The following KCNIP4 variants were observed in gnomAD, a reference collection of about 807,000 sequenced individuals.
KCNIP4 encodes the protein Kv channel-interacting protein 4.
KCNIP4 carries 12 observed loss-of-function variants against 34.0 expected under a neutral mutation model. The observed-to-expected ratio is 0.35, with a 90% CI of 0.23 to 0.57. KCNIP4 has a LOEUF of 0.57. KCNIP4 is among the 20% of genes least tolerant of loss of function. KCNIP4 has a pLI of 0.83. For missense variants in KCNIP4, 238 were observed against 311.7 expected (o/e 0.76, Z 1.78); for synonymous variants, 124 against 102.2 (o/e 1.21, Z -1.29).
At chr4:21,429,349 C>A (rs909695036) in intron 1 of KCNIP4, among the ~76,000 whole-genome samples, 12 of 152,128 alleles carry the variant, frequency 7.9e-5, no homozygotes, top group Non-Finnish European at 1.2e-4. Context: ...GAATAATATT[C>A]CATTGCCTGG....
chr4:21,036,721 T>A (rs1046092708), intron 1 of KCNIP4, among the ~76,000 whole-genome samples: 1 of 152,186 alleles, frequency 6.6e-6, no homozygotes, highest in Admixed American at 6.5e-5. Flanking sequence ...CGAGACTCCG[T>A]CTCAAAAAAC....
At chr4:21,282,662 G>A (rs1291411966) in intron 1 of KCNIP4, among the ~76,000 whole-genome samples, 1 of 151,856 alleles carries the variant, frequency 6.6e-6, no homozygotes, top group Non-Finnish European at 1.5e-5. Context: ...ATATTTTTTA[G>A]GCAGAAAATA....
chr4:21,876,617 A>C (rs1726128934), intron 1 of KCNIP4, among the ~76,000 whole-genome samples: 1 of 152,168 alleles, frequency 6.6e-6, no homozygotes, highest in African/African-American at 2.4e-5. Context: ...AACAAAATAA[A>C]ATGCTATTTT....
rs550667992 is a variant in KCNIP4, at chr4:20,900,421, A to G, written c.62-17712T>C. Among the ~76,000 whole-genome samples, 3 of 152,360 alleles carry G rather than the reference A, an allele frequency of 2.0e-5. No individual in the cohort carries two copies. In the South Asian group the frequency reaches 6.2e-4, roughly 32 times the overall value. Reference sequence around the variant, plus strand: ...ATGTTTCATTCACCTTTGTGTCCCCAGCATCACGCACAAGGCCTAGCATTG... The same window carrying G: ...ATGTTTCATTCACCTTTGTGTCCCCGGCATCACGCACAAGGCCTAGCATTG... On this transcript the variant is annotated intron_variant, in intron 1 of 8. Transcript: ENST00000382152.
At chr4:20,790,361 T>C (rs997607918) in intron 3 of KCNIP4, among the ~76,000 whole-genome samples, 8 of 152,302 alleles carry the variant, frequency 5.3e-5, no homozygotes, top group Non-Finnish European at 7.4e-5. Context: ...ATAAGTAGGC[T>C]ACCCTAAATT....
chr4:21,462,707 C>G (rs919841531), intron 1 of KCNIP4, among the ~76,000 whole-genome samples: 1 of 121,138 alleles, frequency 8.3e-6, no homozygotes, highest in African/African-American at 3.3e-5. Context: ...CTTCCAGGTT[C>G]ATTTATATTG....
intron 1 of KCNIP4, among the ~76,000 whole-genome samples, chr4:21,711,333 G>A (rs1713706446): frequency 6.6e-6 from 1 of 152,110 alleles, no homozygotes; most frequent in African/African-American, 2.4e-5. Context: ...TTAGTTGGGT[G>A]TGGTGACATG....
At chr4:20,853,116 G>C (rs1721204535) in intron 2 of KCNIP4, among the ~76,000 whole-genome samples, 1 of 152,096 alleles carries the variant, frequency 6.6e-6, no homozygotes. Context: ...ATTCTTCACA[G>C]AATTAGAGAA....
intron 1 of KCNIP4, among the ~76,000 whole-genome samples, chr4:21,740,537 A>G (rs1716325079): frequency 6.6e-6 from 1 of 152,090 alleles, no homozygotes; most frequent in Non-Finnish European, 1.5e-5. Flanking sequence ...CCCTTCATAG[A>G]GCTTTAATTG....
At chr4:21,828,785 A>C (rs1275230403) in intron 1 of KCNIP4, among the ~76,000 whole-genome samples, 1 of 151,996 alleles carries the variant, frequency 6.6e-6, no homozygotes, top group African/African-American at 2.4e-5. Context: ...ACCAAAAAGA[A>C]ATCAATAAAA....
chr4:21,317,572 G>A (rs1201417061), intron 1 of KCNIP4, among the ~76,000 whole-genome samples: 1 of 152,126 alleles, frequency 6.6e-6, no homozygotes, highest in Non-Finnish European at 1.5e-5. Context: ...TGACTATAAA[G>A]AATAGAAAGT....
rs1745653315 is a variant in KCNIP4 at position 21,078,008 on chromosome 4, T to G, written c.62-195299A>C. On this transcript the variant is annotated intron_variant, in intron 1 of 8. Transcript: ENST00000382152. ...ATTTTAAGGAAGTCATTATCAGGGC[T>G]TCTGGAGACAAGGTGGCTTGGGCAC... Among the ~76,000 whole-genome samples the G allele has an allele frequency of 2.0e-5, 3 of 152,100 alleles. 1 individual carries two copies. The South Asian group carries it at 6.2e-4, about 32-fold the overall frequency.
At chr4:20,790,555 A>T (rs926424436) in intron 3 of KCNIP4, among the ~76,000 whole-genome samples, 1 of 150,032 alleles carries the variant, frequency 6.7e-6, no homozygotes, top group Admixed American at 6.7e-5. Flanking sequence ...TTAATTTTTA[A>T]TTTTTTTTTT....
intron 1 of KCNIP4, among the ~76,000 whole-genome samples, chr4:20,904,733 C>T (rs1727544718): frequency 6.6e-6 from 1 of 151,960 alleles, no homozygotes; most frequent in Admixed American, 6.6e-5. Flanking sequence ...TCTTAAATAC[C>T]AATAATGTTT....
intron 1 of KCNIP4, among the ~76,000 whole-genome samples, chr4:21,000,563 T>G (rs1000207570): frequency 9.2e-5 from 14 of 151,956 alleles, no homozygotes; most frequent in Non-Finnish European, 1.3e-4. Context: ...TGCATGCCTG[T>G]AATCCCAGCT....
intron 1 of KCNIP4, among the ~76,000 whole-genome samples, chr4:21,200,326 GTA>G (rs1185513795): frequency 1.9e-4 from 10 of 52,562 alleles, no homozygotes; most frequent in African/African-American, 1.6e-4. Context: ...ATATATGTGT[GTA>G]TATATATATA....
intron 1 of KCNIP4, among the ~76,000 whole-genome samples, chr4:21,253,165 C>T (rs6448040): frequency 0.22 from 34,018 of 152,032 alleles, 4,565 homozygotes; most frequent in South Asian, 0.31. Flanking sequence ...ATAATTTCTA[C>T]GGCAATTTCT....
chr4:21,428,897 C>T (rs1028437392), intron 1 of KCNIP4, among the ~76,000 whole-genome samples: 20 of 152,086 alleles, frequency 1.3e-4, no homozygotes, highest in African/African-American at 4.1e-4. Context: ...ACTCTCTGCC[C>T]CCACACAAGC....
At chr4:21,814,044 C>T (rs535953418) in intron 1 of KCNIP4, among the ~76,000 whole-genome samples, 2 of 152,200 alleles carry the variant, frequency 1.3e-5, no homozygotes, top group Admixed American at 1.3e-4. Flanking sequence ...GAAGTTCTGT[C>T]AAGCCGGTTT....
Sources: gnomAD v4.1 joint callset for allele counts (sites outside exome capture counted in the v4.1 genomes callset) on GRCh38, gnomAD v4.1.1 for gene constraint, MANE v1.5 for transcripts, NCBI Gene and HGNC (gene_info 2026-07-23, HGNC 2026-07-21) for gene names.